The following PFKFB2 variants were observed in gnomAD, a reference collection of about 807,000 sequenced individuals.
PFKFB2 encodes 6-phosphofructo-2-kinase/fructose-2,6-bisphosphatase 2.
Under a neutral mutation model 68.0 loss-of-function variants are expected in PFKFB2, and 53 were observed. The ratio of observed to expected loss-of-function variants is 0.78; its 90% CI spans 0.63 to 0.98. The LOEUF is 0.98. PFKFB2 is among the 50% of genes least tolerant of loss of function. The probability of loss-of-function intolerance (pLI) is 0.00; values close to 1 mark genes in which losing one functional copy is unlikely to be tolerated. For synonymous variants in PFKFB2, 222 were observed against 227.6 expected (o/e 0.98, Z 0.22); for missense variants, 451 against 642.0 (o/e 0.70, Z 3.22).
At chr1:207,042,549 CA>C (rs57077682) in intron 2 of PFKFB2, among the ~76,000 whole-genome samples, 478 of 44,602 alleles carry the variant, frequency 0.011, no homozygotes, top group African/African-American at 0.02. Flanking sequence ...CTCTGTCTCA[CA>C]AAAAAAAAAA....
rs149366245 is a variant in PFKFB2, at chr1:207,065,376, G to C, written c.632+216G>C. The stretch of plus-strand genomic sequence containing the variant: ...TTGGTTTTGTTTTGTTTTGAGACAG[G>C]GTCTCACTCTGTCACCCAGGCTGGA... On this transcript the variant is annotated intron_variant, in intron 8 of 14. Transcript: ENST00000367080. 489 of 870,826 alleles carry C rather than the reference G, an allele frequency of 5.6e-4. 5 individuals carry two copies. The African/African-American group carries it at 8.2e-3, about 15-fold the overall frequency. 53.9% of individuals were successfully genotyped at this position (870,826 alleles called of 1,614,324 possible).
At chr1:207,069,375 G>A (rs1223946099) in intron 10 of PFKFB2, 49 bp from the exon 11 acceptor site, 3 of 1,226,430 alleles carry the variant, frequency 2.4e-6, no homozygotes, top group South Asian at 2.4e-5. Context: ...GATGGGGCTG[G>A]TGTGGTACAG....
chr1:207,062,607 G>A lies in PFKFB2; in HGVS notation c.212-13G>A, dbSNP rs749465749. 5 of 1,609,696 alleles carry A rather than the reference G, an allele frequency of 3.1e-6. No homozygotes were observed. Among genetic ancestry groups the A allele is most frequent in the Admixed American group, 1.7e-5 (1 of 58,822 alleles). On this transcript the variant is annotated splice_polypyrimidine_tract_variant and intron_variant, in intron 3 of 14. Transcript: ENST00000367080. ...ATTATTTTGCTGCTGAAGGATTTGG[G>A]TGTCTTCTACAGTGTTTAATCTTGG...
intron 3 of PFKFB2, among the ~76,000 whole-genome samples, chr1:207,062,335 A>T (rs2102350154): frequency 6.6e-6 from 1 of 152,342 alleles, no homozygotes; most frequent in South Asian, 2.1e-4. Context: ...CCTTTTCAGA[A>T]GCCTTACATG....
In PFKFB2 at chr1:207,071,602, A is replaced by G. The variant is rs765036721; in HGVS notation, c.1350+29A>G. On this transcript the variant is annotated intron_variant, in intron 14 of 14. Coordinates refer to ENST00000367080, the MANE Select transcript of PFKFB2 (RefSeq NM_006212.2). ...AGTATTTTCCCACGATGAACACACC[A>G]GTTTCCCTGCCACCTTGAGTCTCTG... The G allele has an allele frequency of 1.2e-4, 189 of 1,550,924 alleles. 1 individual carries two copies. Among genetic ancestry groups the G allele is most frequent in the South Asian group, 4.3e-4 (39 of 89,674 alleles).
At chr1:207,048,604 G>A (rs1207326678), upstream of PFKFB2, 2 of 163,676 alleles carry the variant, frequency 1.2e-5, no homozygotes, top group African/African-American at 2.4e-5. Context: ...AGTTAAAGCT[G>A]CTGGGTGCTA....
At chr1:207,068,108 GTGTGTGTGTC>G in intron 9 of PFKFB2, 45 bp from the exon 10 acceptor site, 1 of 1,434,718 alleles carries the variant, frequency 7.0e-7, no homozygotes, top group Non-Finnish European at 9.7e-7. Flanking sequence ...GTGTGTGTGT[GTGTGTGTGTC>G]TGTGTGTTTT....
Position 207,070,647 on chromosome 1 carries a change from C to T in PFKFB2, c.1222+238C>T. The T allele has an allele frequency of 2.1e-6, 1 of 472,360 alleles. No homozygotes were observed. Among genetic ancestry groups the T allele is most frequent in the African/African-American group, 2.0e-5 (1 of 50,364 alleles). 29.3% of individuals were successfully genotyped at this position (472,360 alleles called of 1,614,324 possible). A position where few individuals can be genotyped will look rare whatever the true frequency, so the allele number is the denominator to read the frequency against. On this transcript the variant is annotated intron_variant, in intron 12 of 14. Transcript: ENST00000367080. The surrounding 1 kb of genome is among the most constrained non-coding windows in gnomAD (Gnocchi z 4.2). ...GCTGGTGCTCCTTGATCCTGCCTGG[C>T]TCAAGGGCCAGTGTCATGCTGACAC...
Position 207,076,415 on chromosome 1 carries a change from A to G in PFKFB2, c.*4044A>G, listed in dbSNP as rs1202194460. 2 of 985,064 alleles carry G rather than the reference A, an allele frequency of 2.0e-6. No individual in the cohort carries two copies. Among genetic ancestry groups the G allele is most frequent in the Non-Finnish European group, 2.4e-6 (2 of 829,770 alleles). The allele number at this position is 985,064 out of a possible 1,614,324, so 61.0% of individuals were successfully genotyped here. ...ATTGTCTTTGCCAAGCCCAGAAGCC[A>G]TGTTGTGTTCATTGTTAAGAAATTT... On this transcript the variant is annotated 3_prime_UTR_variant, in exon 15 of 15. Transcript: ENST00000367080.
intron 2 of PFKFB2, among the ~76,000 whole-genome samples, chr1:207,059,930 G>T (rs755029812): frequency 6.6e-6 from 1 of 152,214 alleles, no homozygotes; most frequent in Admixed American, 6.5e-5. Context: ...GCCGCAACTT[G>T]CAGGGCACCT....
chr1:207,071,398 A>C (rs1346301306), intron 13 of PFKFB2, 111 bp from the exon 14 acceptor site: 3 of 1,037,270 alleles, frequency 2.9e-6, no homozygotes, highest in Non-Finnish European at 4.6e-6. Flanking sequence ...TGTATGCATG[A>C]CTGTGTGTAT....
intron 10 of PFKFB2, 78 bp from the exon 11 acceptor site, chr1:207,069,346 T>C (rs1683398684): frequency 4.1e-6 from 4 of 964,196 alleles, no homozygotes; most frequent in Non-Finnish European, 6.6e-6. Context: ...CATTCTTCAA[T>C]GTCATCTTCC....
In PFKFB2 at chr1:207,063,489, A is replaced by T. The variant is rs1277391591; in HGVS notation, c.450+68A>T. The T allele has an allele frequency of 1.9e-6, 2 of 1,047,994 alleles. No individual in the cohort carries two copies. The highest frequency in any genetic ancestry group is 3.1e-5 in the African/African-American group (2 of 63,856). 64.9% of individuals were successfully genotyped at this position (1,047,994 alleles called of 1,614,324 possible). ...GTGGGGAGTCAGGCTACAGGCATGG[A>T]TCTCTCACTCTAGTGGGTGAGGACA... On this transcript the variant is annotated intron_variant, in intron 6 of 14. Coordinates refer to ENST00000367080, the MANE Select transcript of PFKFB2 (RefSeq NM_006212.2). This position sits in a 1 kb window ranked among gnomAD's most constrained non-coding sequence, Gnocchi z 4.1.
intron 1 of PFKFB2, 62 bp from the exon 2 acceptor site, chr1:207,054,639 T>C: frequency 8.2e-7 from 1 of 1,215,860 alleles, no homozygotes; most frequent in Non-Finnish European, 1.2e-6. Flanking sequence ...TGCACTGACT[T>C]TTTTTAAGTT....
chr1:207,041,050 TC>T (rs1682469701), intron 1 of PFKFB2, among the ~76,000 whole-genome samples: 1 of 147,144 alleles, frequency 6.8e-6, no homozygotes, highest in Non-Finnish European at 1.5e-5. Context: ...TGCCTCAACC[TC>T]CCAAGTAGCT....
intron 2 of PFKFB2, chr1:207,043,818 A>T (rs929146285): frequency 1.3e-5 from 2 of 152,628 alleles, no homozygotes; most frequent in African/African-American, 4.8e-5. Flanking sequence ...CAGTGGCCAT[A>T]TCTGCCCTGA....
At chr1:207,035,737 G>A (rs915319425) in intron 1 of PFKFB2, among the ~76,000 whole-genome samples, 4 of 152,112 alleles carry the variant, frequency 2.6e-5, no homozygotes, top group African/African-American at 9.7e-5. Context: ...GTACAGGCAT[G>A]GTGCTAGCAT....
intron 8 of PFKFB2, among the ~76,000 whole-genome samples, chr1:207,067,269 G>T (rs1171636586): frequency 6.6e-6 from 1 of 152,176 alleles, no homozygotes; most frequent in Non-Finnish European, 1.5e-5. Context: ...TCACACTACA[G>T]GCACTGAGGA....
upstream of PFKFB2, chr1:207,050,714 A>G: frequency 6.2e-7 from 1 of 1,613,146 alleles, no homozygotes; most frequent in Non-Finnish European, 8.5e-7. Flanking sequence ...GTCTTCCAGA[A>G]TGGTATCCCC....
Sources: gnomAD v4.1 joint callset for allele counts (sites outside exome capture counted in the v4.1 genomes callset) on GRCh38, gnomAD v4.1.1 for gene constraint, Gnocchi (gnomAD v3.1) non-coding constraint, MANE v1.5 for transcripts, NCBI Gene and HGNC (gene_info 2026-07-23, HGNC 2026-07-21) for gene names.